HIC2: variants seen among roughly 807,000 people sequenced by gnomAD.
HIC2 encodes the protein HIC ZBTB transcriptional repressor 2.
A neutral mutation model predicts 39.5 loss-of-function variants in HIC2; 2 were observed. The observed-to-expected ratio is 0.05, with a 90% CI of 0.02 to 0.16. The LOEUF is 0.16. Among genes scored for constraint, HIC2 ranks in the 10% least tolerant of loss-of-function variants. HIC2 has a pLI of 1.00. For missense variants in HIC2, 713 were observed against 863.5 expected (o/e 0.83, Z 2.18); for synonymous variants, 399 against 368.8 (o/e 1.08, Z -0.94).
intron 2 of HIC2, 115 bp from the exon 3 acceptor site, chr22:21,444,807 G>A: frequency 8.6e-7 from 1 of 1,167,192 alleles, no homozygotes; most frequent in Non-Finnish European, 1.2e-6. Context: ...AGGGGCTCCT[G>A]CCCTATGTGG....
At chr22:21,417,995 C>T (rs1348461575) in intron 1 of HIC2, among the ~76,000 whole-genome samples, 1 of 147,808 alleles carries the variant, frequency 6.8e-6, no homozygotes, top group Admixed American at 7.2e-5. Flanking sequence ...TTCGCCCCCT[C>T]GCTAGAGGAT....
chr22:21,446,457 G>A lies in HIC2; in HGVS notation c.1562G>A (p.Arg521Gln), dbSNP rs373763222. The A allele has an allele frequency of 1.4e-5, 23 of 1,612,158 alleles. No individual in the cohort carries two copies. Among genetic ancestry groups the A allele is most frequent in the East Asian group, 2.2e-5 (1 of 44,882 alleles). Residue 521 changes from arginine to glutamine, a missense_variant, in exon 3 of 3, where the codon CGG (arginine) becomes CAG (glutamine). This residue lies in a region of HIC2 where 103 missense variants were observed against 103.4 expected (regional missense o/e 1.00). Coordinates refer to ENST00000407464, the MANE Select transcript of HIC2 (RefSeq NM_015094.3). Reference sequence around the variant, plus strand: ...ACCTACAAGGACCCAGCCACGCTGCGGCAGCACGAGAAGACGCACTGGCTG... The same window carrying A: ...ACCTACAAGGACCCAGCCACGCTGCAGCAGCACGAGAAGACGCACTGGCTG... ...EKTYKDPATL[R>Q]QHEKTHWLTR...
chr22:21,450,216 C>T lies in HIC2; in HGVS notation c.*3473C>T, dbSNP rs1292088696. The T allele has an allele frequency of 2.0e-5, 2 of 101,550 alleles. No homozygotes were observed. Among genetic ancestry groups the T allele is most frequent in the Non-Finnish European group, 4.0e-5 (2 of 49,922 alleles). 6.3% of individuals were successfully genotyped at this position (101,550 alleles called of 1,614,324 possible). ...GCCGGACCGAGCCCCAGCAAGGGCT[C>T]CTCCAGGATTGCAAAAAAAAAAGGA... On this transcript the variant is annotated 3_prime_UTR_variant, in exon 3 of 3. Coordinates refer to ENST00000407464, the MANE Select transcript of HIC2 (RefSeq NM_015094.3).
Position 21,446,756 on chromosome 22 carries a change from C to A in HIC2, c.*13C>A, listed in dbSNP as rs372801043. 2 of 1,584,468 alleles carry A rather than the reference C, an allele frequency of 1.3e-6. No homozygotes were observed. Among genetic ancestry groups the A allele is most frequent in the African/African-American group, 1.3e-5 (1 of 74,600 alleles). ...CTCCCCCTCCTAGAAGCCAAAGACC[C>A]GCGGGCGCCCTCTGCCACCTTGCTC... On this transcript the variant is annotated 3_prime_UTR_variant, in exon 3 of 3. Coordinates refer to ENST00000407464, the MANE Select transcript of HIC2 (RefSeq NM_015094.3).
rs145932838 is a variant in HIC2 at position 21,444,928 on chromosome 22, C to T, written c.33C>T (p.Cys11=). The T allele has an allele frequency of 5.0e-5, 81 of 1,609,768 alleles. No individual in the cohort carries two copies. The African/African-American group carries it at 7.6e-4, about 15-fold the overall frequency. ...TGCCTGTTCTTGCCCACAGGTGGTG[C>T]GCGTGGGCAGGGCGCGGGGACATGG... MVSGPLALRW[C]AWAGRGDMGP... Residue 11 remains cysteine (C), a synonymous_variant, in exon 3 of 3, where the codon TGC becomes TGT. Transcript: ENST00000407464.
chr22:21,421,898 T>C (rs1235589939), intron 1 of HIC2, among the ~76,000 whole-genome samples: 1 of 35,490 alleles, frequency 2.8e-5, no homozygotes, highest in African/African-American at 5.5e-5. Flanking sequence ...CTCCTGGCTC[T>C]GGCAGGGGTG....
rs986864377 is a variant in HIC2, at chr22:21,450,695, T to C, written c.*3952T>C. On this transcript the variant is annotated 3_prime_UTR_variant, in exon 3 of 3. Coordinates refer to ENST00000407464, the MANE Select transcript of HIC2 (RefSeq NM_015094.3). ...GGTCCTCCTATTTCCCAGAACCCCG[T>C]TGGGGCAGATGTTACTGAACCTGTG... 8.5e-5 allele frequency: 13 copies of C among 152,780 alleles called. No homozygotes were observed. The highest frequency in any genetic ancestry group is 3.1e-4 in the African/African-American group (13 of 41,452). 9.5% of individuals were successfully genotyped at this position (152,780 alleles called of 1,614,324 possible). A position where few individuals can be genotyped will look rare whatever the true frequency, so the allele number is the denominator to read the frequency against.
intron 2 of HIC2, 110 bp from the exon 3 acceptor site, chr22:21,444,812 A>C: frequency 2.4e-6 from 3 of 1,227,180 alleles, no homozygotes; most frequent in Non-Finnish European, 2.3e-6. Flanking sequence ...CTCCTGCCCT[A>C]TGTGGGGTCA....
intron 1 of HIC2, among the ~76,000 whole-genome samples, chr22:21,425,735 C>T (rs1419375631): frequency 5.9e-5 from 8 of 135,866 alleles, no homozygotes; most frequent in South Asian, 4.8e-4. Context: ...TTTTTTGAGA[C>T]GGAGTCTTTC....
chr22:21,445,588 C>T lies in HIC2; in HGVS notation c.693C>T (p.Ser231=), dbSNP rs776085393. 8.2e-6 allele frequency: 13 copies of T among 1,584,230 alleles called. No individual in the cohort carries two copies. The Admixed American group carries it at 2.4e-4, about 29-fold the overall frequency. Residue 231 remains serine, a synonymous_variant, in exon 3 of 3, where the codon AGC becomes AGT. Transcript: ENST00000407464. ...AGGEAGLGGC[S]SSTNGSSGGC... ...GGGAGGCGGGTCTGGGGGGCTGCAG[C>T]AGCAGCACCAACGGGAGCAGCGGGG...
chr22:21,446,819 C>T lies in HIC2; in HGVS notation c.*76C>T, dbSNP rs1446109209. On this transcript the variant is annotated 3_prime_UTR_variant, in exon 3 of 3. Coordinates refer to ENST00000407464, the MANE Select transcript of HIC2 (RefSeq NM_015094.3). ...TGGAAGGAGAAGCGAGGTGATGCAG[C>T]AGCAGGGGCAAGACCCTGGGTCCAG... 8 of 1,528,030 alleles carry T rather than the reference C, an allele frequency of 5.2e-6. No homozygotes were observed. Among genetic ancestry groups the T allele is most frequent in the African/African-American group, 1.4e-5 (1 of 72,834 alleles). 94.7% of individuals were successfully genotyped at this position (1,528,030 alleles called of 1,614,324 possible).
At chr22:21,444,795 G>A (rs1017209819) in intron 2 of HIC2, 127 bp from the exon 3 acceptor site, 16 of 1,008,880 alleles carry the variant, frequency 1.6e-5, no homozygotes, top group Admixed American at 2.5e-5. Context: ...GTACTGTGCC[G>A]CAGGGGCTCC....
Position 21,426,337 on chromosome 22 carries a change from A to ATT in HIC2, c.-74+8795_-74+8796dup, listed in dbSNP as rs1228128162. On this transcript the variant is annotated intron_variant, in intron 1 of 2. Transcript: ENST00000407464. ...CAGTCATGCGCCACCACAGCCAGCT[A>ATT]TTTTTTTTTTTTTTTTTTTCCAGAG... Among the ~76,000 whole-genome samples, 261 of 48,224 alleles carry ATT rather than the reference A, an allele frequency of 5.4e-3. 1 individual carries two copies. The highest frequency in any genetic ancestry group is 0.013 in the East Asian group (17 of 1,316). The allele number at this position is 48,224 out of a possible 152,430, so 31.6% of individuals were successfully genotyped here.
Position 21,426,479 on chromosome 22 carries a change from T to G in HIC2, c.-74+8919T>G, listed in dbSNP as rs1390551202. ...TGCCCAGCCTACATAGCAACTTTGT[T>G]TTTTTTTTTTTGAGATGGAGTCTCT... On this transcript the variant is annotated intron_variant, in intron 1 of 2. Transcript: ENST00000407464. Among the ~76,000 whole-genome samples the G allele has an allele frequency of 2.0e-5, 3 of 150,080 alleles. 1 individual carries two copies. Among genetic ancestry groups the G allele is most frequent in the South Asian group, 4.3e-4 (2 of 4,678 alleles).
chr22:21,438,156 A>G (rs1218078689), intron 1 of HIC2, among the ~76,000 whole-genome samples: 1 of 152,274 alleles, frequency 6.6e-6, no homozygotes, highest in Non-Finnish European at 1.5e-5. Flanking sequence ...GGCGTGAGCC[A>G]GAAGTTTCAG....
chr22:21,446,569 G>A lies in HIC2; in HGVS notation c.1674G>A (p.Leu558=), dbSNP rs767299166. The A allele has an allele frequency of 1.2e-6, 2 of 1,613,458 alleles. No individual in the cohort carries two copies. Among genetic ancestry groups the A allele is most frequent in the Non-Finnish European group, 1.7e-6 (2 of 1,180,028 alleles). The part of the protein sequence containing the change: ...MTRHMRSHLG[L]KPFACDECGM... ...GTCACATGCGGAGCCACCTGGGCCT[G>A]AAGCCCTTCGCCTGCGATGAGTGTG... is the stretch of plus-strand genomic sequence containing the variant. The change falls in exon 3 of 3, where the codon CTG becomes CTA. Residue 558 remains leucine (L), a synonymous_variant. Coordinates refer to ENST00000407464, the MANE Select transcript of HIC2 (RefSeq NM_015094.3).
Position 21,449,130 on chromosome 22 carries a change from T to G in HIC2, c.*2387T>G, listed in dbSNP as rs766373459. On this transcript the variant is annotated 3_prime_UTR_variant, in exon 3 of 3. Transcript: ENST00000407464. ...GTATTGTATCGAGCCTTTTCTGTGT[T>G]TTAATGAGAAAGCAGAACACTAGTT... 2 of 152,666 alleles carry G rather than the reference T, an allele frequency of 1.3e-5. No homozygotes were observed. Among genetic ancestry groups the G allele is most frequent in the Non-Finnish European group, 2.9e-5 (2 of 68,044 alleles). 9.5% of individuals were successfully genotyped at this position (152,666 alleles called of 1,614,324 possible). A position where few individuals can be genotyped will look rare whatever the true frequency, so the allele number is the denominator to read the frequency against.
Position 21,445,476 on chromosome 22 carries a change from C to T in HIC2, c.581C>T (p.Ala194Val). 1 of 1,561,410 alleles carries T rather than the reference C, an allele frequency of 6.4e-7. No individual in the cohort carries two copies. The stretch of plus-strand genomic sequence containing the variant: ...CACGCCCCCCAGGAGCTCCCCCAAG[C>T]CAAAGGCTCAGACGATGAACTCTTT... ...GAHAPQELPQ[A>V]KGSDDELFLG... The change falls in exon 3 of 3, where the codon GCC (alanine) becomes GTC (valine). Residue 194 changes from alanine to valine, a missense_variant. This residue lies in a region of HIC2 where 457 missense variants were observed against 420.2 expected (regional missense o/e 1.09). Transcript: ENST00000407464.
rs1924008310 is a variant in HIC2, at chr22:21,448,860, T to G, written c.*2117T>G. On this transcript the variant is annotated 3_prime_UTR_variant, in exon 3 of 3. Transcript: ENST00000407464. ...ACCCATGGACTTCACCCATACTCAG[T>G]GAGGGGGCTCCTGCCGTCCTGACGC... 1 of 152,732 alleles carries G rather than the reference T, an allele frequency of 6.5e-6. No individual in the cohort carries two copies. Among genetic ancestry groups the G allele is most frequent in the African/African-American group, 2.4e-5 (1 of 41,436 alleles). The allele number at this position is 152,732 out of a possible 1,614,324, so 9.5% of individuals were successfully genotyped here. A position where few individuals can be genotyped will look rare whatever the true frequency, so the allele number is the denominator to read the frequency against.
Sources: gnomAD v4.1 joint callset for allele counts (sites outside exome capture counted in the v4.1 genomes callset) on GRCh38, gnomAD v4.1.1 for gene constraint, gnomAD v4.1.1 regional missense constraint, MANE v1.5 for transcripts, NCBI Gene and HGNC (gene_info 2026-07-23, HGNC 2026-07-21) for gene names.